The following CERT1 variants were observed in gnomAD, a reference collection of about 807,000 sequenced individuals.
CERT1 encodes ceramide transfer protein.
Under a neutral mutation model 87.9 loss-of-function variants are expected in CERT1, and 31 were observed. The ratio of observed to expected loss-of-function variants is 0.35; its 90% confidence interval spans 0.27 to 0.48. The LOEUF is 0.48. Ranked by LOEUF, CERT1 falls within the 20% of genes least tolerant of loss-of-function variation. The pLI is 0.99. For missense variants in CERT1, 487 were observed against 758.0 expected (o/e 0.64, Z 4.20); for synonymous variants, 289 against 250.9 (o/e 1.15, Z -1.44).
chr5:75,494,583 A>G (rs1016084671), intron 2 of CERT1, among the ~76,000 whole-genome samples: 19 of 152,118 alleles, frequency 1.2e-4, no homozygotes, highest in Admixed American at 6.5e-5. Context: ...TTGTTTCTTA[A>G]ATTGACATAT....
intron 11 of CERT1, among the ~76,000 whole-genome samples, chr5:75,390,962 C>T (rs1352195337): frequency 1.3e-5 from 2 of 151,930 alleles, no homozygotes; most frequent in East Asian, 1.9e-4. Context: ...TGCCACCATG[C>T]CTAACATTTT....
At chr5:75,506,946 C>G (rs1160085881) in intron 1 of CERT1, among the ~76,000 whole-genome samples, 4 of 152,138 alleles carry the variant, frequency 2.6e-5, no homozygotes, top group African/African-American at 7.2e-5. Flanking sequence ...ATGTTTTTAT[C>G]TATGCTCTGG....
intron 2 of CERT1, among the ~76,000 whole-genome samples, chr5:75,495,311 C>A (rs1235637959): frequency 5.3e-5 from 8 of 152,114 alleles, no homozygotes; most frequent in Admixed American, 2.0e-4. Flanking sequence ...AATCCCAGAA[C>A]TTTGGGAGGC....
At chr5:75,410,893 A>G (rs923339748) in intron 8 of CERT1, 118 bp downstream of exon 8, 1 of 505,008 alleles carries the variant, frequency 2.0e-6, no homozygotes, top group Non-Finnish European at 3.4e-6. Context: ...TAACATAAAC[A>G]CTGAGGAAAA....
intron 7 of CERT1, among the ~76,000 whole-genome samples, chr5:75,412,337 T>C (rs1313039008): frequency 6.6e-6 from 1 of 152,224 alleles, no homozygotes; most frequent in Non-Finnish European, 1.5e-5. Flanking sequence ...CCAGGATTCA[T>C]GGTCACTCTG....
intron 8 of CERT1, among the ~76,000 whole-genome samples, chr5:75,405,439 C>T (rs1297871257): frequency 6.6e-6 from 1 of 152,158 alleles, no homozygotes. Flanking sequence ...AATTCACAGC[C>T]AGACCATCTC....
At chr5:75,435,955 C>T (rs1239555057) in intron 3 of CERT1, among the ~76,000 whole-genome samples, 1 of 151,804 alleles carries the variant, frequency 6.6e-6, no homozygotes, top group Admixed American at 6.6e-5. Flanking sequence ...CTGCAGGTGT[C>T]CTCATATATT....
At chr5:75,443,613 C>A (rs889166722) in intron 3 of CERT1, among the ~76,000 whole-genome samples, 1 of 152,226 alleles carries the variant, frequency 6.6e-6, no homozygotes, top group East Asian at 1.9e-4. Flanking sequence ...TAGAAAATGT[C>A]CCATGTGTAC....
intron 10 of CERT1, 107 bp from the exon 11 acceptor site, chr5:75,399,494 C>G: frequency 1.3e-6 from 1 of 784,558 alleles, no homozygotes. Context: ...AAACAAAGCA[C>G]TATATGAAAC....
intron 2 of CERT1, among the ~76,000 whole-genome samples, chr5:75,494,113 T>A (rs1324631372): frequency 1.3e-5 from 2 of 152,224 alleles, no homozygotes; most frequent in African/African-American, 2.4e-5. Context: ...TCTTTCATAT[T>A]GGAAACTTTC....
intron 3 of CERT1, among the ~76,000 whole-genome samples, chr5:75,440,398 A>G (rs1178675708): frequency 6.6e-6 from 1 of 152,072 alleles, no homozygotes; most frequent in Non-Finnish European, 1.5e-5. Context: ...TCACGCTGAA[A>G]ATCAGAACAT....
intron 8 of CERT1, 49 bp downstream of exon 8, chr5:75,410,962 G>A (rs1319471890): frequency 1.0e-6 from 1 of 974,088 alleles, no homozygotes; most frequent in Admixed American, 2.4e-5. Flanking sequence ...TCACTTTTGT[G>A]ATAGACATGA....
chr5:75,457,421 G>A lies in CERT1; in HGVS notation c.348+1644C>T, dbSNP rs183100444. ...ATGTCATACATGGCAGAGGCTGCAT[G>A]CATGGCCTGGCTCCAGAGCATTGAG... On this transcript the variant is annotated intron_variant, in intron 3 of 16. Transcript: ENST00000643780. Among the ~76,000 whole-genome samples, 18 of 152,318 alleles carry A rather than the reference G, an allele frequency of 1.2e-4. No homozygotes were observed. In the East Asian group the frequency reaches 3.3e-3, roughly 28 times the overall value.
chr5:75,385,417 G>C lies in CERT1; in HGVS notation c.1417+485C>G, dbSNP rs80349925. 2.0e-5 allele frequency among the ~76,000 whole-genome samples: 3 copies of C among 152,278 alleles called. No homozygotes were observed. In the East Asian group the frequency reaches 5.8e-4, roughly 29 times the overall value. On this transcript the variant is annotated intron_variant, in intron 13 of 16. Coordinates refer to ENST00000643780, the MANE Select transcript of CERT1 (RefSeq NM_001379029.1). ...GAACTGGGGAGGTAAAGGTTGCAGC[G>C]AGCTGAGATCATACCACTGCACTCC...
intron 11 of CERT1, among the ~76,000 whole-genome samples, chr5:75,397,646 G>A (rs1418575239): frequency 6.6e-6 from 1 of 152,114 alleles, no homozygotes; most frequent in African/African-American, 2.4e-5. Context: ...ATGCAATGTG[G>A]AGCTTAGCAC....
At chr5:75,484,084 G>T (rs1447507433) in intron 2 of CERT1, among the ~76,000 whole-genome samples, 1 of 151,802 alleles carries the variant, frequency 6.6e-6, no homozygotes, top group Non-Finnish European at 1.5e-5. Flanking sequence ...AAAAGTGGGG[G>T]GTGATAAAAT....
intron 2 of CERT1, among the ~76,000 whole-genome samples, chr5:75,492,138 G>C (rs1179038015): frequency 6.6e-6 from 1 of 152,068 alleles, no homozygotes; most frequent in Non-Finnish European, 1.5e-5. Context: ...GAGCTCAGGA[G>C]TTTGAAACCA....
chr5:75,504,577 A>T (rs1482466991), intron 2 of CERT1, among the ~76,000 whole-genome samples: 1 of 152,204 alleles, frequency 6.6e-6, no homozygotes, highest in Non-Finnish European at 1.5e-5. Flanking sequence ...AATCTGAAGT[A>T]TTATATATAT....
At chr5:75,500,860 C>T (rs1767330333) in intron 2 of CERT1, among the ~76,000 whole-genome samples, 1 of 152,174 alleles carries the variant, frequency 6.6e-6, no homozygotes, top group African/African-American at 2.4e-5. Context: ...TCTCATTTTA[C>T]AATTCCACAT....
Sources: allele counts gnomAD v4.1 joint callset (sites outside exome capture counted in the v4.1 genomes callset), GRCh38; gene constraint gnomAD v4.1.1; transcripts MANE v1.5; gene names NCBI Gene and HGNC (gene_info 2026-07-23, HGNC 2026-07-21).